Variants in BANK1 observed in about 807,000 individuals in gnomAD.
The protein encoded by BANK1 is B-cell scaffold protein with ankyrin repeats.
In BANK1, 95 loss-of-function variants were observed where a neutral mutation model predicts 94.5. The observed-to-expected ratio is 1.00, with a 90% CI of 0.85 to 1.19. The LOEUF (loss-of-function observed/expected upper bound fraction) is 1.19, where lower values mean the gene tolerates loss of function less well. BANK1 is among the 50% of genes most tolerant of loss of function. The pLI is 0.00. For synonymous variants in BANK1, 334 were observed against 308.4 expected (o/e 1.08, Z -0.87); for missense variants, 987 against 932.2 (o/e 1.06, Z -0.77).
intron 11 of BANK1, among the ~76,000 whole-genome samples, chr4:102,052,302 G>C (rs1728079623): frequency 6.6e-6 from 1 of 151,790 alleles, no homozygotes; most frequent in Non-Finnish European, 1.5e-5. Context: ...ATTTTTAGTA[G>C]AGATAGGGTT....
chr4:102,071,747 G>T (rs1362001562), intron 14 of BANK1, among the ~76,000 whole-genome samples: 2 of 152,212 alleles, frequency 1.3e-5, no homozygotes, highest in African/African-American at 4.8e-5. Flanking sequence ...AAACATTTGA[G>T]AGGGTAACTC....
At chr4:101,901,584 T>C (rs1365766462) in intron 6 of BANK1, among the ~76,000 whole-genome samples, 3 of 152,120 alleles carry the variant, frequency 2.0e-5, no homozygotes, top group Non-Finnish European at 4.4e-5. Context: ...AACAAGTTCA[T>C]GTGAAATACA....
chr4:101,942,311 C>T (rs1723778210), intron 7 of BANK1, among the ~76,000 whole-genome samples: 2 of 151,874 alleles, frequency 1.3e-5, no homozygotes, highest in Admixed American at 6.6e-5. Flanking sequence ...CACCAGGCAG[C>T]CTTCTTCATC....
chr4:102,063,283 A>G, intron 13 of BANK1, 145 bp downstream of exon 13: 1 of 668,414 alleles, frequency 1.5e-6, no homozygotes, highest in South Asian at 2.4e-5. Flanking sequence ...AATCTCTGGT[A>G]GTCAAATTCC....
intron 7 of BANK1, among the ~76,000 whole-genome samples, chr4:102,007,083 TATATATATA>T (rs1445109010): frequency 2.8e-5 from 2 of 72,310 alleles, no homozygotes; most frequent in Admixed American, 1.4e-4. Context: ...TATATATAAA[TATATATATA>T]ATATATTTAT....
intron 2 of BANK1, among the ~76,000 whole-genome samples, chr4:101,837,025 T>C (rs61258614): frequency 0.03 from 4,609 of 152,238 alleles, 236 homozygotes; most frequent in African/African-American, 0.11. Context: ...CTCCCAATTT[T>C]TCTAAAACAC....
intron 5 of BANK1, among the ~76,000 whole-genome samples, chr4:101,871,545 T>A (rs1489667911): frequency 6.6e-6 from 1 of 152,122 alleles, no homozygotes; most frequent in Non-Finnish European, 1.5e-5. Flanking sequence ...TATTTTTATA[T>A]TATATGAACG....
At chr4:101,798,632 G>C (rs935304188) in intron 1 of BANK1, among the ~76,000 whole-genome samples, 4 of 152,100 alleles carry the variant, frequency 2.6e-5, no homozygotes, top group African/African-American at 9.7e-5. Context: ...GTTGTTTCCT[G>C]ACTTTTTAGT....
intron 7 of BANK1, among the ~76,000 whole-genome samples, chr4:102,010,125 T>C (rs143152246): frequency 0.27 from 40,382 of 150,626 alleles, 5,797 homozygotes; most frequent in East Asian, 0.39. Context: ...ATTAGCCAGG[T>C]GTGGTGGCGG....
intron 5 of BANK1, among the ~76,000 whole-genome samples, chr4:101,894,731 G>A (rs1004652678): frequency 6.6e-6 from 1 of 151,894 alleles, no homozygotes; most frequent in Non-Finnish European, 1.5e-5. Context: ...TAGAACACTT[G>A]AATACTGGAT....
At chr4:101,910,823 C>T (rs751396890) in intron 6 of BANK1, among the ~76,000 whole-genome samples, 4 of 151,292 alleles carry the variant, frequency 2.6e-5, no homozygotes, top group Non-Finnish European at 4.4e-5. Flanking sequence ...GTTTAATATA[C>T]TCCACTTCAT....
intron 1 of BANK1, among the ~76,000 whole-genome samples, chr4:101,820,486 TTTTAG>T (rs1726101111): frequency 1.3e-5 from 2 of 152,254 alleles, no homozygotes; most frequent in South Asian, 4.1e-4. Flanking sequence ...AAAACTTTTA[TTTTAG>T]TTTAGGGCCT....
At chr4:102,042,572 G>A (rs1035980151) in intron 10 of BANK1, among the ~76,000 whole-genome samples, 2 of 151,868 alleles carry the variant, frequency 1.3e-5, no homozygotes, top group Admixed American at 6.6e-5. Flanking sequence ...TCTAAAAAAC[G>A]TCTCCGGGGT....
intron 7 of BANK1, among the ~76,000 whole-genome samples, chr4:101,973,178 G>T (rs1048400422): frequency 6.6e-6 from 1 of 151,958 alleles, no homozygotes; most frequent in East Asian, 1.9e-4. Context: ...TCAAGTATTT[G>T]AGGTGATGGA....
chr4:102,063,279 T>C (rs1339580420), intron 13 of BANK1, 141 bp downstream of exon 13: 3 of 681,608 alleles, frequency 4.4e-6, no homozygotes, highest in African/African-American at 1.8e-5. Flanking sequence ...TCTTAATCTC[T>C]GGTAGTCAAA....
chr4:102,033,657 C>G (rs890043547), intron 10 of BANK1, among the ~76,000 whole-genome samples: 2 of 152,094 alleles, frequency 1.3e-5, no homozygotes, highest in African/African-American at 4.8e-5. Flanking sequence ...AAGACTGGCA[C>G]CCTTCAATAT....
intron 7 of BANK1, among the ~76,000 whole-genome samples, chr4:102,002,971 C>T (rs1021492191): frequency 6.6e-6 from 1 of 152,228 alleles, no homozygotes; most frequent in Admixed American, 6.5e-5. Context: ...ATGGGGGCCA[C>T]ACTGGTCTCA....
chr4:101,821,930 T>G (rs1044945868), intron 1 of BANK1, among the ~76,000 whole-genome samples: 3 of 152,170 alleles, frequency 2.0e-5, no homozygotes, highest in Non-Finnish European at 4.4e-5. Context: ...GTGCTTTCAA[T>G]CAAGGTAGGC....
intron 6 of BANK1, among the ~76,000 whole-genome samples, chr4:101,903,365 T>C (rs1722344641): frequency 6.6e-6 from 1 of 152,218 alleles, no homozygotes; most frequent in African/African-American, 2.4e-5. Flanking sequence ...AATTTTTCCA[T>C]GATCATAACC....
Sources: allele counts gnomAD v4.1 joint callset (sites outside exome capture counted in the v4.1 genomes callset), GRCh38; gene constraint gnomAD v4.1.1; transcripts MANE v1.5; gene names NCBI Gene and HGNC (gene_info 2026-07-23, HGNC 2026-07-21).